Variants in AFAP1L2 observed in about 807,000 individuals in gnomAD.
AFAP1L2 encodes actin filament associated protein 1 like 2.
A neutral mutation model predicts 99.3 loss-of-function variants in AFAP1L2; 46 were observed. That is an observed-to-expected ratio of 0.46 (90% CI 0.37 to 0.59). AFAP1L2 has a LOEUF of 0.59. Ranked by LOEUF, AFAP1L2 falls within the 20% of genes least tolerant of loss-of-function variation. The probability of loss-of-function intolerance (pLI) is 0.00; values close to 1 mark genes in which losing one functional copy is unlikely to be tolerated. For synonymous variants in AFAP1L2, 397 were observed against 419.1 expected, an observed-to-expected ratio of 0.95 and a Z score of 0.64; for missense variants, 959 against 1,034.9, an observed-to-expected ratio of 0.93 and a Z score of 1.01.
intron 1 of AFAP1L2, among the ~76,000 whole-genome samples, chr10:114,359,773 T>C (rs530850493): frequency 6.6e-6 from 1 of 152,202 alleles, no homozygotes; most frequent in Non-Finnish European, 1.5e-5. Flanking sequence ...CTAAAGGTGC[T>C]GACGTGGTCA....
chr10:114,384,100 C>G (rs2137568148), intron 1 of AFAP1L2, among the ~76,000 whole-genome samples: 1 of 152,300 alleles, frequency 6.6e-6, no homozygotes, highest in East Asian at 1.9e-4. Context: ...CCCCATGATC[C>G]AGTGACAACT....
chr10:114,350,743 G>C (rs1267411811), intron 1 of AFAP1L2, among the ~76,000 whole-genome samples: 2 of 152,144 alleles, frequency 1.3e-5, no homozygotes, highest in African/African-American at 4.8e-5. Context: ...AGGTGGGAAG[G>C]GCATGGAGGT....
Position 114,300,700 on chromosome 10 carries a change from A to AGAGT in AFAP1L2, c.1543-14_1543-11dup, listed in dbSNP as rs768672528. 3 of 1,577,334 alleles carry AGAGT rather than the reference A, an allele frequency of 1.9e-6. No homozygotes were observed. Among genetic ancestry groups the AGAGT allele is most frequent in the Non-Finnish European group, 2.6e-6 (3 of 1,160,326 alleles). The stretch of plus-strand genomic sequence containing the variant: ...CCTCGGTAGGCTCCACCTGCAGGAG[A>AGAGT]GAGTGAGTCTGGGGCATTCAACATT... On this transcript the variant is annotated splice_polypyrimidine_tract_variant and intron_variant, in intron 13 of 18. Transcript: ENST00000304129.
At chr10:114,320,783 G>C (rs1159553316) in intron 5 of AFAP1L2, among the ~76,000 whole-genome samples, 1 of 152,244 alleles carries the variant, frequency 6.6e-6, no homozygotes, top group Non-Finnish European at 1.5e-5. Flanking sequence ...GCGTCTGGCA[G>C]GCAGGCCCCT....
At chr10:114,379,761 C>T (rs1375860569) in intron 1 of AFAP1L2, among the ~76,000 whole-genome samples, 2 of 152,168 alleles carry the variant, frequency 1.3e-5, no homozygotes, top group Non-Finnish European at 2.9e-5. Flanking sequence ...AATCCCATAA[C>T]CCCCAAACCC....
At chr10:114,370,683 C>T (rs957533037) in intron 1 of AFAP1L2, among the ~76,000 whole-genome samples, 6 of 152,178 alleles carry the variant, frequency 3.9e-5, no homozygotes, top group African/African-American at 1.4e-4. Context: ...GGCCTGCTTG[C>T]TAACAGATTT....
Position 114,300,455 on chromosome 10 carries a change from A to C in AFAP1L2, c.1778T>G (p.Leu593Arg). 1 of 1,613,484 alleles carries C rather than the reference A, an allele frequency of 6.2e-7. No homozygotes were observed. The highest frequency in any genetic ancestry group is 8.5e-7 in the Non-Finnish European group (1 of 1,179,504). The change falls in exon 14 of 19, where the codon CTG (leucine) becomes CGG (arginine). Residue 593 changes from leucine to arginine, a missense_variant. Around this residue, in one of 2 missense-constraint regions of AFAP1L2, gnomAD observed 576 missense variants for 562.1 expected, o/e 1.02. Transcript: ENST00000304129. ...DEPCIKCPEN[L>R]GEQQLESLEP... ...AGGGGAGGCCTGTACCTGTTCTCCCAGGTTCTCTGGACACTTTATGCAGGG... is the reference window on the plus strand; with the variant it reads ...AGGGGAGGCCTGTACCTGTTCTCCCCGGTTCTCTGGACACTTTATGCAGGG...
chr10:114,284,746 A>G, the AFAP1L2 span: 1 of 898,192 alleles, frequency 1.1e-6, no homozygotes, highest in Non-Finnish European at 1.7e-6. Flanking sequence ...ACTGTGGGGG[A>G]AGGGAGGGGC....
chr10:114,360,513 A>ATAGT lies in AFAP1L2; in HGVS notation c.17-19783_17-19782insACTA, dbSNP rs1554937692. 8.3e-3 allele frequency among the ~76,000 whole-genome samples: 658 copies of ATAGT among 79,216 alleles called. 5 individuals carry two copies. Among genetic ancestry groups the ATAGT allele is most frequent in the East Asian group, 0.026 (74 of 2,822 alleles). 52.0% of individuals were successfully genotyped at this position (79,216 alleles called of 152,430 possible). ...GATAGATAGATAGATAGATAGTTAG[A>ATAGT]TAGATAGATAGATAGATAGATAGAT... is the stretch of plus-strand genomic sequence containing the variant. On this transcript the variant is annotated intron_variant, in intron 1 of 18. Transcript: ENST00000304129.
chr10:114,306,379 A>AGGAGGGGCCG (rs1265859385), intron 10 of AFAP1L2, among the ~76,000 whole-genome samples: 2 of 148,444 alleles, frequency 1.3e-5, no homozygotes, highest in Non-Finnish European at 1.5e-5. Flanking sequence ...GCAGGAGGGC[A>AGGAGGGGCCG]TGGGTGTCTA....
intron 16 of AFAP1L2, 85 bp from the exon 17 acceptor site, chr10:114,297,498 A>C (rs1589901707): frequency 1.5e-6 from 2 of 1,375,720 alleles, no homozygotes; most frequent in South Asian, 1.3e-5. Flanking sequence ...GGGTCTACAT[A>C]CCCCGCCACC....
intron 5 of AFAP1L2, among the ~76,000 whole-genome samples, chr10:114,320,143 G>A (rs1164389366): frequency 2.0e-5 from 3 of 152,148 alleles, no homozygotes; most frequent in African/African-American, 4.8e-5. Flanking sequence ...TGTTACAGCT[G>A]CTAGCAGTAC....
At chr10:114,404,983 G>T (rs1232079199), upstream of AFAP1L2, among the ~76,000 whole-genome samples, 1 of 152,202 alleles carries the variant, frequency 6.6e-6, no homozygotes, top group Non-Finnish European at 1.5e-5. Context: ...GCGCGCTTTT[G>T]CCCTAGGCCT....
At chr10:114,345,959 G>A (rs1208825204) in intron 1 of AFAP1L2, among the ~76,000 whole-genome samples, 2 of 152,136 alleles carry the variant, frequency 1.3e-5, no homozygotes. Flanking sequence ...GACGTGGAAA[G>A]CCATCAGACA....
At chr10:114,333,626 T>C (rs1240970877) in intron 2 of AFAP1L2, among the ~76,000 whole-genome samples, 1 of 152,108 alleles carries the variant, frequency 6.6e-6, no homozygotes, top group Non-Finnish European at 1.5e-5. Flanking sequence ...GAGACCAGCC[T>C]GGCCAACATG....
At chr10:114,386,983 C>G (rs1473787033) in intron 1 of AFAP1L2, among the ~76,000 whole-genome samples, 1 of 152,206 alleles carries the variant, frequency 6.6e-6, no homozygotes, top group Non-Finnish European at 1.5e-5. Flanking sequence ...CCTTCACTTC[C>G]CTGTCCAAGT....
chr10:114,306,378 C>CGGGGGCAGGAGGGGACGCGGGGGCAGG (rs1245775089), intron 10 of AFAP1L2, among the ~76,000 whole-genome samples: 2 of 31,576 alleles, frequency 6.3e-5, no homozygotes, highest in African/African-American at 2.7e-4. Context: ...GGCAGGAGGG[C>CGGGGGCAGGAGGGGACGCGGGGGCAGG]ATGGGTGTCT....
rs58243775 is a variant in AFAP1L2 at position 114,318,748 on chromosome 10, G to GAAAAAAAAAA, written c.407-2993_407-2984dup. Among the ~76,000 whole-genome samples, 172 of 118,546 alleles carry GAAAAAAAAAA rather than the reference G, an allele frequency of 1.5e-3. 1 individual carries two copies. Among genetic ancestry groups the GAAAAAAAAAA allele is most frequent in the East Asian group, 3.7e-3 (15 of 4,032 alleles). The allele number at this position is 118,546 out of a possible 152,430, so 77.8% of individuals were successfully genotyped here. A position where few individuals can be genotyped will look rare whatever the true frequency, so the allele number is the denominator to read the frequency against. On this transcript the variant is annotated intron_variant, in intron 5 of 18. Coordinates refer to ENST00000304129, the MANE Select transcript of AFAP1L2 (RefSeq NM_001001936.3). ...AGGGTGAGACTCTGTCTAAAAAAAAGAAAAAAAAAAGAACAACAAATCATA... is the reference window on the plus strand; with the variant it reads ...AGGGTGAGACTCTGTCTAAAAAAAAGAAAAAAAAAAAAAAAAAAAAGAACAACAAATCATA...
At chr10:114,376,730 C>T (rs565629294) in intron 1 of AFAP1L2, among the ~76,000 whole-genome samples, 2 of 152,304 alleles carry the variant, frequency 1.3e-5, no homozygotes, top group Admixed American at 6.5e-5. Context: ...TTGCTGAACT[C>T]GTTACATCCA....
Sources: gnomAD v4.1 joint callset for allele counts (sites outside exome capture counted in the v4.1 genomes callset) on GRCh38, gnomAD v4.1.1 for gene constraint, gnomAD v4.1.1 regional missense constraint, MANE v1.5 for transcripts, NCBI Gene and HGNC (gene_info 2026-07-23, HGNC 2026-07-21) for gene names.